The following GPC5 variants were observed in gnomAD, a reference collection of about 807,000 sequenced individuals.
GPC5 encodes the protein glypican 5.
Under a neutral mutation model 53.9 loss-of-function variants are expected in GPC5, and 47 were observed. The observed-to-expected ratio is 0.87, with a 90% CI of 0.69 to 1.11. The LOEUF is 1.11. Among genes scored for constraint, GPC5 ranks in the 50% most tolerant of loss-of-function variants. The pLI is 0.00. For synonymous variants in GPC5, 286 were observed against 263.3 expected (o/e 1.09, Z -0.84); for missense variants, 748 against 713.1 (o/e 1.05, Z -0.56).
chr13:92,302,282 A>G (rs1438792268), intron 7 of GPC5, among the ~76,000 whole-genome samples: 1 of 152,078 alleles, frequency 6.6e-6, no homozygotes, highest in African/African-American at 2.4e-5. Flanking sequence ...ACCCATAGGG[A>G]AAAGAATAAA....
At chr13:92,390,201 A>G (rs555980186) in intron 7 of GPC5, among the ~76,000 whole-genome samples, 37 of 152,300 alleles carry the variant, frequency 2.4e-4, no homozygotes, top group African/African-American at 8.7e-4. Context: ...AGATTATTTT[A>G]TATCAGACCT....
intron 7 of GPC5, among the ~76,000 whole-genome samples, chr13:92,292,143 C>T (rs1189588551): frequency 6.6e-6 from 1 of 152,236 alleles, no homozygotes; most frequent in Non-Finnish European, 1.5e-5. Context: ...CTGCTGTAAA[C>T]ATGCATATGC....
intron 6 of GPC5, among the ~76,000 whole-genome samples, chr13:91,982,379 A>G (rs1594704533): frequency 6.6e-6 from 1 of 152,334 alleles, no homozygotes; most frequent in South Asian, 2.1e-4. Context: ...GTGCTACACT[A>G]ATGGTTAATT....
At chr13:91,923,870 G>A (rs1486078063) in intron 6 of GPC5, among the ~76,000 whole-genome samples, 1 of 151,924 alleles carries the variant, frequency 6.6e-6, no homozygotes, top group Non-Finnish European at 1.5e-5. Context: ...GAGCTTGTCG[G>A]CTTTTAATTA....
At chr13:92,773,180 A>G (rs1262428587) in intron 7 of GPC5, among the ~76,000 whole-genome samples, 1 of 152,208 alleles carries the variant, frequency 6.6e-6, no homozygotes, top group East Asian at 1.9e-4. Flanking sequence ...TGCTTCTGAA[A>G]TAAATACACA....
intron 4 of GPC5, among the ~76,000 whole-genome samples, chr13:91,730,729 G>C (rs970407649): frequency 5.9e-5 from 9 of 152,258 alleles, no homozygotes; most frequent in African/African-American, 1.9e-4. Context: ...GCTCTTTTGG[G>C]CTATTCTGTA....
intron 5 of GPC5, among the ~76,000 whole-genome samples, chr13:91,844,442 C>T (rs2038825300): frequency 6.6e-6 from 1 of 152,148 alleles, no homozygotes; most frequent in Admixed American, 6.5e-5. Context: ...GAGGTTCAGC[C>T]TGATTCCAGG....
At chr13:91,873,766 C>T (rs568611809) in intron 5 of GPC5, among the ~76,000 whole-genome samples, 1 of 152,290 alleles carries the variant, frequency 6.6e-6, no homozygotes, top group Non-Finnish European at 1.5e-5. Flanking sequence ...TCACTGCAAC[C>T]CCTGCCTCCC....
chr13:92,720,695 A>G (rs1024439047), intron 7 of GPC5, among the ~76,000 whole-genome samples: 1 of 152,162 alleles, frequency 6.6e-6, no homozygotes, highest in Non-Finnish European at 1.5e-5. Context: ...TATTCTTATG[A>G]CAAATGTGGT....
intron 5 of GPC5, among the ~76,000 whole-genome samples, chr13:91,763,345 A>G (rs1247493435): frequency 6.6e-6 from 1 of 152,140 alleles, no homozygotes; most frequent in African/African-American, 2.4e-5. Context: ...TTAAATGGGA[A>G]TCTAAAGAAC....
intron 6 of GPC5, among the ~76,000 whole-genome samples, chr13:92,137,016 CA>C (rs1416862472): frequency 6.6e-6 from 1 of 152,008 alleles, no homozygotes; most frequent in African/African-American, 2.4e-5. Flanking sequence ...GCTGACTGCA[CA>C]AACTGCATGG....
At chr13:92,146,644 CT>C (rs896043298) in intron 7 of GPC5, among the ~76,000 whole-genome samples, 1 of 152,028 alleles carries the variant, frequency 6.6e-6, no homozygotes, top group Non-Finnish European at 1.5e-5. Context: ...AATTTGTAGT[CT>C]TTTTTCTGTC....
chr13:92,750,164 C>T (rs1889344631), intron 7 of GPC5, among the ~76,000 whole-genome samples: 2 of 152,046 alleles, frequency 1.3e-5, no homozygotes, highest in Admixed American at 6.5e-5. Flanking sequence ...TTTTCTCACA[C>T]TGTGTGAGAA....
intron 6 of GPC5, among the ~76,000 whole-genome samples, chr13:91,940,191 T>A (rs904492049): frequency 3.3e-5 from 5 of 152,134 alleles, no homozygotes; most frequent in African/African-American, 1.2e-4. Flanking sequence ...TTTCCATCTT[T>A]ATGTCTGTGA....
chr13:91,806,021 ATTTTTTTTTTTTTTTTTTTT>A (rs71113764), intron 5 of GPC5, among the ~76,000 whole-genome samples: 1 of 48,558 alleles, frequency 2.1e-5, no homozygotes, highest in Non-Finnish European at 3.5e-5. Flanking sequence ...AAATACAATA[ATTTTTTTTTTTTTTTTTTTT>A]TTTTTTTTTT....
chr13:91,939,559 T>C (rs1161813759), intron 6 of GPC5, among the ~76,000 whole-genome samples: 2 of 152,082 alleles, frequency 1.3e-5, no homozygotes, highest in Admixed American at 1.3e-4. Flanking sequence ...ATGTGTATAG[T>C]TTTCCCAAGC....
chr13:91,483,038 A>G (rs1883391538), intron 2 of GPC5, among the ~76,000 whole-genome samples: 1 of 152,146 alleles, frequency 6.6e-6, no homozygotes, highest in African/African-American at 2.4e-5. Context: ...TTAAATTGCT[A>G]AATTGGAGCA....
At chr13:92,591,469 A>G (rs746264380) in intron 7 of GPC5, among the ~76,000 whole-genome samples, 3 of 152,146 alleles carry the variant, frequency 2.0e-5, no homozygotes, top group Non-Finnish European at 4.4e-5. Flanking sequence ...TGTATTTTTA[A>G]TTAACATATA....
At chr13:92,193,209 G>A (rs979931189) in intron 7 of GPC5, among the ~76,000 whole-genome samples, 1 of 152,154 alleles carries the variant, frequency 6.6e-6, no homozygotes, top group Non-Finnish European at 1.5e-5. Context: ...TGCATATTAT[G>A]CTCAGGTAGA....
Sources: allele counts gnomAD v4.1 joint callset (sites outside exome capture counted in the v4.1 genomes callset), GRCh38; gene constraint gnomAD v4.1.1; transcripts MANE v1.5; gene names NCBI Gene and HGNC (gene_info 2026-07-23, HGNC 2026-07-21).